Variants in PGBD4 observed in about 807,000 individuals in gnomAD.
PGBD4 encodes the protein piggyBac transposable element-derived protein 4.
In PGBD4, 1 loss-of-function variant was observed where a neutral mutation model predicts 0.3. The ratio of observed to expected loss-of-function variants is 3.72; its 90% CI spans 1.32 to 17.64. The LOEUF is 17.64. Among genes scored for constraint, PGBD4 ranks in the 30% most tolerant of loss-of-function variants. The pLI, the probability that PGBD4 is intolerant of heterozygous loss-of-function variation, is 0.11. For missense variants in PGBD4, 624 were observed against 719.7 expected (o/e 0.87, Z 1.52); for synonymous variants, 253 against 267.7 (o/e 0.95, Z 0.54).
In PGBD4 at chr15:34,102,467, T is replaced by C; in HGVS notation, c.-65T>C. On this transcript the variant is annotated 5_prime_UTR_variant, in exon 1 of 1. Coordinates refer to ENST00000397766, the MANE Select transcript of PGBD4 (RefSeq NM_152595.5). This position sits in a 1 kb window ranked among gnomAD's most constrained non-coding sequence, Gnocchi z 4.7. The stretch of plus-strand genomic sequence containing the variant: ...TTGAAACAAAAGACATCATTCTGTT[T>C]ATAGCATTCTGTTTTTAGTAGTGGG... 1 of 1,453,010 alleles carries C rather than the reference T, an allele frequency of 6.9e-7. No homozygotes were observed. The highest frequency in any genetic ancestry group is 9.0e-7 in the Non-Finnish European group (1 of 1,107,274). The allele number at this position is 1,453,010 out of a possible 1,614,324, so 90.0% of individuals were successfully genotyped here. A position where few individuals can be genotyped will look rare whatever the true frequency, so the allele number is the denominator to read the frequency against.
rs1330697157 is a variant in PGBD4 at position 34,107,261 on chromosome 15, A to G, written c.*2972A>G. The G allele has an allele frequency of 1.3e-5, 2 of 152,178 alleles. No homozygotes were observed. The highest frequency in any genetic ancestry group is 4.1e-4 in the South Asian group (2 of 4,834). 9.4% of individuals were successfully genotyped at this position (152,178 alleles called of 1,614,324 possible). A position where few individuals can be genotyped will look rare whatever the true frequency, so the allele number is the denominator to read the frequency against. ...TTTTACTAAATATATCTTGGAAATC[A>G]TCCTTTATTCGTACATAAAAAGCTT... On this transcript the variant is annotated 3_prime_UTR_variant, in exon 1 of 1. Coordinates refer to ENST00000397766, the MANE Select transcript of PGBD4 (RefSeq NM_152595.5).
Position 34,102,932 on chromosome 15 carries a change from AG to A in PGBD4, c.402del (p.Lys134AsnfsTer28), listed in dbSNP as rs768525875. 2 of 1,614,070 alleles carry A rather than the reference AG, an allele frequency of 1.2e-6. No homozygotes were observed. The highest frequency in any genetic ancestry group is 1.7e-6 in the Non-Finnish European group (2 of 1,180,016). ...GCCCAAGCTGCCTTGTTGGCTTCAA[AG>A]CCACCGGGTCCGAAAGGATTTTCGC... Reference protein sequence around the residue: ...TNAQAALLASKPPGPKGFSRM... With the variant: ...TNAQAALLASXPPGPKGFSRM... On this transcript the variant is annotated frameshift_variant, in exon 1 of 1. Transcript: ENST00000397766. LOFTEE classifies it low-confidence loss of function (END_TRUNC). The surrounding 1 kb of genome is among the most constrained non-coding windows in gnomAD (Gnocchi z 4.7).
chr15:34,104,331 C>T lies in PGBD4; in HGVS notation c.*42C>T. 1 of 1,562,606 alleles carries T rather than the reference C, an allele frequency of 6.4e-7. No homozygotes were observed. Among genetic ancestry groups the T allele is most frequent in the Non-Finnish European group, 8.7e-7 (1 of 1,153,730 alleles). On this transcript the variant is annotated 3_prime_UTR_variant, in exon 1 of 1. Transcript: ENST00000397766. ...ACATCTGTTCCATTAGGATTAGAGA[C>T]AAGTTCTGTTTAGAAATAACTCCAA... is the stretch of plus-strand genomic sequence containing the variant.
Position 34,104,375 on chromosome 15 carries a change from G to C in PGBD4, c.*86G>C. The C allele has an allele frequency of 7.0e-7, 1 of 1,424,046 alleles. No homozygotes were observed. The highest frequency in any genetic ancestry group is 9.4e-7 in the Non-Finnish European group (1 of 1,058,626). The allele number at this position is 1,424,046 out of a possible 1,614,324, so 88.2% of individuals were successfully genotyped here. A position where few individuals can be genotyped will look rare whatever the true frequency, so the allele number is the denominator to read the frequency against. ...ACTCCAAGATTGGGAGGCCGACCTG[G>C]GTGGATCACCTGAGATCAGGAATTC... is the stretch of plus-strand genomic sequence containing the variant. On this transcript the variant is annotated 3_prime_UTR_variant, in exon 1 of 1. Coordinates refer to ENST00000397766, the MANE Select transcript of PGBD4 (RefSeq NM_152595.5).
rs1476998246 is a variant in PGBD4, at chr15:34,102,990, C to T, written c.459C>T (p.Asp153=). 6.2e-7 allele frequency: 1 copy of T among 1,614,056 alleles called. No individual in the cohort carries two copies. The highest frequency in any genetic ancestry group is 1.1e-5 in the South Asian group (1 of 91,086). Residue 153 remains aspartate (D), a synonymous_variant, in exon 1 of 1, where the codon GAC becomes GAT. Transcript: ENST00000397766. The surrounding 1 kb of genome is among the most constrained non-coding windows in gnomAD (Gnocchi z 4.7). ...RMDKWKDTDN[D]ELKVFFAVML... is the part of the protein sequence containing the mutation. ...ATAAATGGAAAGACACTGACAATGACGAGCTCAAAGTCTTTTTTGCAGTAA... is the reference window on the plus strand; with the variant it reads ...ATAAATGGAAAGACACTGACAATGATGAGCTCAAAGTCTTTTTTGCAGTAA...
chr15:34,104,422 G>A lies in PGBD4; in HGVS notation c.*133G>A. On this transcript the variant is annotated 3_prime_UTR_variant, in exon 1 of 1. Transcript: ENST00000397766. Reference sequence around the variant, plus strand: ...ATTCAAGACCAGCCTGGCCAACATGGTGAAACCCTGTCTCTACTAAAAATA... The same window carrying A: ...ATTCAAGACCAGCCTGGCCAACATGATGAAACCCTGTCTCTACTAAAAATA... 1 of 925,010 alleles carries A rather than the reference G, an allele frequency of 1.1e-6. No homozygotes were observed. Among genetic ancestry groups the A allele is most frequent in the Non-Finnish European group, 1.6e-6 (1 of 631,170 alleles). 57.3% of individuals were successfully genotyped at this position (925,010 alleles called of 1,614,324 possible). A position where few individuals can be genotyped will look rare whatever the true frequency, so the allele number is the denominator to read the frequency against.
chr15:34,102,519 C>A lies in PGBD4; in HGVS notation c.-13C>A. 1 of 1,495,558 alleles carries A rather than the reference C, an allele frequency of 6.7e-7. No homozygotes were observed. Among genetic ancestry groups the A allele is most frequent in the Admixed American group, 2.4e-5 (1 of 42,214 alleles). 92.6% of individuals were successfully genotyped at this position (1,495,558 alleles called of 1,614,324 possible). A position where few individuals can be genotyped will look rare whatever the true frequency, so the allele number is the denominator to read the frequency against. ...TTTCCATCTACAAAATATAGTAATTCTCGATCGCTGAAATGTCAAATCCTA... is the reference window on the plus strand; with the variant it reads ...TTTCCATCTACAAAATATAGTAATTATCGATCGCTGAAATGTCAAATCCTA... On this transcript the variant is annotated 5_prime_UTR_variant, in exon 1 of 1. Transcript: ENST00000397766. This position sits in a 1 kb window ranked among gnomAD's most constrained non-coding sequence, Gnocchi z 4.7.
At position 34,106,667 on chromosome 15, in the gene PGBD4, A is replaced by C. The variant is rs576208698; in HGVS notation, c.*2378A>C. The C allele has an allele frequency of 6.6e-6, 1 of 152,352 alleles. No homozygotes were observed. The highest frequency in any genetic ancestry group is 1.5e-5 in the Non-Finnish European group (1 of 68,050). The allele number at this position is 152,352 out of a possible 1,614,324, so 9.4% of individuals were successfully genotyped here. ...CAAAAGGTATGAGTATACAAAAAAA[A>C]TCTCCCACCTACTTCTCTCCCTAGT... On this transcript the variant is annotated 3_prime_UTR_variant, in exon 1 of 1. Coordinates refer to ENST00000397766, the MANE Select transcript of PGBD4 (RefSeq NM_152595.5).
In PGBD4 at chr15:34,102,798, C is replaced by A; in HGVS notation, c.267C>A (p.Thr89=). 6.2e-7 allele frequency: 1 copy of A among 1,614,102 alleles called. No homozygotes were observed. Among genetic ancestry groups the A allele is most frequent in the South Asian group, 1.1e-5 (1 of 91,064 alleles). ...TTCCACGTCAAAGGTATGACTTTAC[C>A]GGCACACCTGGCAGAAAAGTCGATG... ...AMIPRQRYDF[T]GTPGRKVDVS... is the part of the protein sequence containing the mutation. Residue 89 remains threonine, a synonymous_variant, in exon 1 of 1, where the codon ACC becomes ACA. Coordinates refer to ENST00000397766, the MANE Select transcript of PGBD4 (RefSeq NM_152595.5). The surrounding 1 kb of genome is among the most constrained non-coding windows in gnomAD (Gnocchi z 4.7).
Position 34,102,435 on chromosome 15 carries a change from T to C in PGBD4, c.-97T>C, listed in dbSNP as rs1427346174. 2 of 1,430,938 alleles carry C rather than the reference T, an allele frequency of 1.4e-6. No individual in the cohort carries two copies. Among genetic ancestry groups the C allele is most frequent in the South Asian group, 1.5e-5 (1 of 65,716 alleles). The allele number at this position is 1,430,938 out of a possible 1,614,324, so 88.6% of individuals were successfully genotyped here. A position where few individuals can be genotyped will look rare whatever the true frequency, so the allele number is the denominator to read the frequency against. ...GTTATTTTCGCATGGTTCTGGTATATTGACTTTTGAAACAAAAGACATCAT... is the reference window on the plus strand; with the variant it reads ...GTTATTTTCGCATGGTTCTGGTATACTGACTTTTGAAACAAAAGACATCAT... On this transcript the variant is annotated 5_prime_UTR_variant, in exon 1 of 1. Coordinates refer to ENST00000397766, the MANE Select transcript of PGBD4 (RefSeq NM_152595.5). This position sits in a 1 kb window ranked among gnomAD's most constrained non-coding sequence, Gnocchi z 4.7.
rs1306444515 is a variant in PGBD4 at position 34,103,351 on chromosome 15, G to A, written c.820G>A (p.Gly274Ser). 2 of 1,614,150 alleles carry A rather than the reference G, an allele frequency of 1.2e-6. No homozygotes were observed. The highest frequency in any genetic ancestry group is 3.3e-5 in the Admixed American group (2 of 60,004). The change falls in exon 1 of 1, where the codon GGT (glycine) becomes AGT (serine). Residue 274 changes from glycine to serine, a missense_variant. Physicochemically the swap from Gly to Ser is moderately conservative, Grantham distance 56. Transcript: ENST00000397766. This position sits in a 1 kb window ranked among gnomAD's most constrained non-coding sequence, Gnocchi z 4.6. ...CCTCCCGACAAAACGAGTACGATTT[G>A]GTCTGAAGCTATATGTACTTTGTGA... is the stretch of plus-strand genomic sequence containing the variant. The part of the protein sequence containing the change: ...QYLPTKRVRF[G>S]LKLYVLCESQ...
rs1308196875 is a variant in PGBD4, at chr15:34,108,428, G to A, written c.*4139G>A. On this transcript the variant is annotated 3_prime_UTR_variant, in exon 1 of 1. Coordinates refer to ENST00000397766, the MANE Select transcript of PGBD4 (RefSeq NM_152595.5). ...AAATCCTGATTTTGAAATACAAAGT[G>A]CTGATTTTAAAATCAGTACATGTTG... 1.3e-5 allele frequency: 2 copies of A among 152,186 alleles called. No individual in the cohort carries two copies. Among genetic ancestry groups the A allele is most frequent in the African/African-American group, 4.8e-5 (2 of 41,438 alleles). 9.4% of individuals were successfully genotyped at this position (152,186 alleles called of 1,614,324 possible). A position where few individuals can be genotyped will look rare whatever the true frequency, so the allele number is the denominator to read the frequency against.
chr15:34,102,376 ACTCCCAAAG>A lies in PGBD4; in HGVS notation c.-155_-147del. On this transcript the variant is annotated 5_prime_UTR_variant, in exon 1 of 1. Transcript: ENST00000397766. This position sits in a 1 kb window ranked among gnomAD's most constrained non-coding sequence, Gnocchi z 4.7. Reference sequence around the variant, plus strand: ...ACTCGTGGATTACAGTGCCAACCTTACTCCCAAAGTTTGCCACGAAATATCTCGCTTCTG... The same window carrying A: ...ACTCGTGGATTACAGTGCCAACCTTATTTGCCACGAAATATCTCGCTTCTG... The A allele has an allele frequency of 8.4e-7, 1 of 1,191,724 alleles. No homozygotes were observed. Among genetic ancestry groups the A allele is most frequent in the Non-Finnish European group, 1.1e-6 (1 of 887,350 alleles). The allele number at this position is 1,191,724 out of a possible 1,614,324, so 73.8% of individuals were successfully genotyped here. A position where few individuals can be genotyped will look rare whatever the true frequency, so the allele number is the denominator to read the frequency against.
At position 34,102,430 on chromosome 15, in the gene PGBD4, G is replaced by C; in HGVS notation, c.-102G>C. 2.8e-6 allele frequency: 4 copies of C among 1,424,920 alleles called. No homozygotes were observed. Among genetic ancestry groups the C allele is most frequent in the Non-Finnish European group, 3.7e-6 (4 of 1,091,522 alleles). The allele number at this position is 1,424,920 out of a possible 1,614,324, so 88.3% of individuals were successfully genotyped here. A position where few individuals can be genotyped will look rare whatever the true frequency, so the allele number is the denominator to read the frequency against. On this transcript the variant is annotated 5_prime_UTR_variant, in exon 1 of 1. Transcript: ENST00000397766. The surrounding 1 kb of genome is among the most constrained non-coding windows in gnomAD (Gnocchi z 4.7). ...CTTCTGTTATTTTCGCATGGTTCTG[G>C]TATATTGACTTTTGAAACAAAAGAC...
rs768046561 is a variant in PGBD4, at chr15:34,104,065, G to A, written c.1534G>A (p.Asp512Asn). The change falls in exon 1 of 1, where the codon GAT (aspartate) becomes AAT (asparagine). Residue 512 changes from aspartate (D) to asparagine (N), a missense_variant. By Grantham distance (23) the Asp-to-Asn change is conservative. Coordinates refer to ENST00000397766, the MANE Select transcript of PGBD4 (RefSeq NM_152595.5). Reference sequence around the variant, plus strand: ...ACATCTTCGAGGTCGTCCTTGCTCCGATGATGTCACACCTCTTCGTCTGTC... The same window carrying A: ...ACATCTTCGAGGTCGTCCTTGCTCCAATGATGTCACACCTCTTCGTCTGTC... The part of the protein sequence containing the change: ...QQHLRGRPCS[D>N]DVTPLRLSGR... The A allele has an allele frequency of 1.5e-5, 25 of 1,614,024 alleles. No individual in the cohort carries two copies. The highest frequency in any genetic ancestry group is 1.1e-4 in the African/African-American group (8 of 74,914).
Position 34,104,406 on chromosome 15 carries a change from C to A in PGBD4, c.*117C>A. The A allele has an allele frequency of 9.0e-7, 1 of 1,111,792 alleles. No individual in the cohort carries two copies. The highest frequency in any genetic ancestry group is 1.6e-5 in the South Asian group (1 of 61,570). 68.9% of individuals were successfully genotyped at this position (1,111,792 alleles called of 1,614,324 possible). Reference sequence around the variant, plus strand: ...TCACCTGAGATCAGGAATTCAAGACCAGCCTGGCCAACATGGTGAAACCCT... The same window carrying A: ...TCACCTGAGATCAGGAATTCAAGACAAGCCTGGCCAACATGGTGAAACCCT... On this transcript the variant is annotated 3_prime_UTR_variant, in exon 1 of 1. Transcript: ENST00000397766.
chr15:34,104,035 C>T lies in PGBD4; in HGVS notation c.1504C>T (p.Gln502Ter). The change falls in exon 1 of 1, where the codon CAG becomes TAG. Residue 502 changes from glutamine (Q) to a stop codon, truncating the protein, a stop_gained. Coordinates refer to ENST00000397766, the MANE Select transcript of PGBD4 (RefSeq NM_152595.5). LOFTEE classifies it low-confidence loss of function (END_TRUNC). ...RMLEKHHKPG[Q>*]QHLRGRPCSD... ...GCTGGAAAAGCATCACAAGCCAGGG[C>T]AGCAACATCTTCGAGGTCGTCCTTG... 1 of 1,614,162 alleles carries T rather than the reference C, an allele frequency of 6.2e-7. No homozygotes were observed. Among genetic ancestry groups the T allele is most frequent in the South Asian group, 1.1e-5 (1 of 91,078 alleles).
At position 34,104,197 on chromosome 15, in the gene PGBD4, C is replaced by G. The variant is rs747393974; in HGVS notation, c.1666C>G (p.Arg556Gly). 1 of 1,614,128 alleles carries G rather than the reference C, an allele frequency of 6.2e-7. No individual in the cohort carries two copies. Among genetic ancestry groups the G allele is most frequent in the Non-Finnish European group, 8.5e-7 (1 of 1,180,030 alleles). ...SQYDKDGKKI[R>G]KETRYFCAEC... ...ATACGACAAGGATGGCAAGAAGATCCGGAAAGAAACGCGCTATTTTTGTGC... is the reference window on the plus strand; with the variant it reads ...ATACGACAAGGATGGCAAGAAGATCGGGAAAGAAACGCGCTATTTTTGTGC... Residue 556 changes from arginine (R) to glycine (G), a missense_variant, in exon 1 of 1, where the codon CGG (arginine) becomes GGG (glycine). Transcript: ENST00000397766.
At position 34,106,311 on chromosome 15, in the gene PGBD4, T is replaced by G. The variant is rs1056890051; in HGVS notation, c.*2022T>G. Reference sequence around the variant, plus strand: ...TTAGCTGGGCATAGTGGTGGGTGCCTGTAATCCCAGCTACTTGGGAGGCTG... The same window carrying G: ...TTAGCTGGGCATAGTGGTGGGTGCCGGTAATCCCAGCTACTTGGGAGGCTG... On this transcript the variant is annotated 3_prime_UTR_variant, in exon 1 of 1. Transcript: ENST00000397766. 2.6e-5 allele frequency: 4 copies of G among 152,310 alleles called. No individual in the cohort carries two copies. The highest frequency in any genetic ancestry group is 9.7e-5 in the African/African-American group (4 of 41,440). 9.4% of individuals were successfully genotyped at this position (152,310 alleles called of 1,614,324 possible).
Sources: allele counts gnomAD v4.1 joint callset, GRCh38; gene constraint gnomAD v4.1.1; non-coding constraint Gnocchi (gnomAD v3.1); transcripts MANE v1.5; gene names NCBI Gene and HGNC (gene_info 2026-07-23, HGNC 2026-07-21).